The following PTPRD variants were observed in gnomAD, a reference collection of about 807,000 sequenced individuals.
PTPRD encodes receptor-type tyrosine-protein phosphatase delta.
A neutral mutation model predicts 214.5 loss-of-function variants in PTPRD; 34 were observed. That is an observed-to-expected ratio of 0.16 (90% CI 0.12 to 0.21). The LOEUF (loss-of-function observed/expected upper bound fraction) is 0.21. PTPRD is among the 10% of genes least tolerant of loss of function. The probability of loss-of-function intolerance (pLI) is 1.00; values close to 1 mark genes in which losing one functional copy is unlikely to be tolerated. For missense variants in PTPRD, 2,545 were observed against 2,398.7 expected, an observed-to-expected ratio of 1.06 and a Z score of -1.27; for synonymous variants, 1,128 against 845.7, an observed-to-expected ratio of 1.33 and a Z score of -5.79.
chr9:8,506,052 C>A (rs973437420), intron 22 of PTPRD, among the ~76,000 whole-genome samples: 7 of 152,172 alleles, frequency 4.6e-5, no homozygotes, highest in Admixed American at 4.6e-4. Context: ...AAAACCACTG[C>A]ATTTAAAACC....
At chr9:9,998,941 GT>G (rs916755909) in intron 4 of PTPRD, among the ~76,000 whole-genome samples, 1 of 152,010 alleles carries the variant, frequency 6.6e-6, no homozygotes, top group South Asian at 2.1e-4. Flanking sequence ...ATTATCCTCA[GT>G]TTTTTTTCCT....
chr9:10,308,379 T>C (rs192553317), intron 3 of PTPRD, among the ~76,000 whole-genome samples: 42 of 152,184 alleles, frequency 2.8e-4, no homozygotes, highest in Non-Finnish European at 4.9e-4. Flanking sequence ...TATAAATACA[T>C]AAATTTAATT....
intron 10 of PTPRD, among the ~76,000 whole-genome samples, chr9:9,103,705 G>C (rs1173866095): frequency 6.6e-6 from 1 of 152,082 alleles, no homozygotes; most frequent in Admixed American, 6.6e-5. Context: ...ATTTGGCTGG[G>C]AATGGTGGCT....
intron 3 of PTPRD, among the ~76,000 whole-genome samples, chr9:10,271,681 T>G (rs2094434383): frequency 6.6e-6 from 1 of 151,928 alleles, no homozygotes; most frequent in Non-Finnish European, 1.5e-5. Flanking sequence ...TAGCTGGCAT[T>G]ATCGGCGTCT....
intron 4 of PTPRD, among the ~76,000 whole-genome samples, chr9:9,961,634 G>T (rs2154024783): frequency 6.6e-6 from 1 of 152,162 alleles, no homozygotes; most frequent in Non-Finnish European, 1.5e-5. Context: ...GCAGAGTGTG[G>T]GAAATGTTAT....
At chr9:10,458,546 C>T (rs867720361) in intron 2 of PTPRD, among the ~76,000 whole-genome samples, 7 of 152,100 alleles carry the variant, frequency 4.6e-5, no homozygotes, top group African/African-American at 9.7e-5. Context: ...AGTTCTTCAC[C>T]GTAGTAAAGG....
intron 5 of PTPRD, among the ~76,000 whole-genome samples, chr9:9,777,095 G>A (rs1433285004): frequency 6.6e-6 from 1 of 152,174 alleles, no homozygotes; most frequent in African/African-American, 2.4e-5. Flanking sequence ...AGATATGCTA[G>A]TTGTTATGGC....
chr9:8,552,632 G>T (rs2082440063), intron 14 of PTPRD, among the ~76,000 whole-genome samples: 1 of 152,146 alleles, frequency 6.6e-6, no homozygotes, highest in Non-Finnish European at 1.5e-5. Context: ...CAGCATAATG[G>T]CTGGGACTGA....
intron 10 of PTPRD, among the ~76,000 whole-genome samples, chr9:9,085,939 T>C (rs1294572734): frequency 6.6e-6 from 1 of 152,178 alleles, no homozygotes; most frequent in Non-Finnish European, 1.5e-5. Flanking sequence ...TTTTAGCAGA[T>C]GCTTGTGGTT....
chr9:10,134,643 GA>G (rs2154261296), intron 3 of PTPRD, among the ~76,000 whole-genome samples: 1 of 152,062 alleles, frequency 6.6e-6, no homozygotes, highest in South Asian at 2.1e-4. Flanking sequence ...ATCCAGAAAT[GA>G]AGCTAGTCGT....
At chr9:10,008,327 T>C (rs2096530693) in intron 4 of PTPRD, among the ~76,000 whole-genome samples, 2 of 151,910 alleles carry the variant, frequency 1.3e-5, no homozygotes, top group Admixed American at 1.3e-4. Context: ...TTTTGTGTTT[T>C]CAACCACATT....
intron 12 of PTPRD, among the ~76,000 whole-genome samples, chr9:8,673,819 G>A (rs543970084): frequency 1.3e-5 from 2 of 152,196 alleles, no homozygotes; most frequent in African/African-American, 4.8e-5. Context: ...TATTGACATT[G>A]GGGGCTGCAT....
At chr9:10,263,669 C>A (rs2093849910) in intron 3 of PTPRD, among the ~76,000 whole-genome samples, 1 of 152,088 alleles carries the variant, frequency 6.6e-6, no homozygotes, top group South Asian at 2.1e-4. Context: ...TGCAGCCTGA[C>A]AATGCAATAG....
intron 2 of PTPRD, among the ~76,000 whole-genome samples, chr9:10,534,121 C>T (rs2057158631): frequency 6.6e-6 from 1 of 151,738 alleles, no homozygotes; most frequent in African/African-American, 2.4e-5. Context: ...GAAACCCTTA[C>T]TATCATTGTC....
At chr9:9,235,961 A>T (rs2099966406) in intron 9 of PTPRD, among the ~76,000 whole-genome samples, 1 of 152,100 alleles carries the variant, frequency 6.6e-6, no homozygotes, top group Admixed American at 6.5e-5. Flanking sequence ...ATAAGGGGTT[A>T]TATTTAAAAA....
At chr9:9,079,555 T>A (rs966986904) in intron 10 of PTPRD, among the ~76,000 whole-genome samples, 1 of 152,036 alleles carries the variant, frequency 6.6e-6, no homozygotes, top group Non-Finnish European at 1.5e-5. Context: ...CATTTGTAGT[T>A]GTTTGAGGAA....
intron 3 of PTPRD, among the ~76,000 whole-genome samples, chr9:10,196,877 T>C (rs1008125397): frequency 1.3e-5 from 2 of 152,104 alleles, no homozygotes; most frequent in African/African-American, 2.4e-5. Context: ...ACTAGTGTTT[T>C]TATAAATGAA....
rs551320114 is a variant in PTPRD at position 9,795,094 on chromosome 9, A to G, written c.-367-28243T>C. Among the ~76,000 whole-genome samples, 5 of 152,316 alleles carry G rather than the reference A, an allele frequency of 3.3e-5. No homozygotes were observed. In the South Asian group the frequency reaches 6.2e-4, roughly 19 times the overall value. Reference sequence around the variant, plus strand: ...TTGCGTGGGCTTCACATGATCATATATGGTTTAAAACGTGAGAATACTTTA... The same window carrying G: ...TTGCGTGGGCTTCACATGATCATATGTGGTTTAAAACGTGAGAATACTTTA... On this transcript the variant is annotated intron_variant, in intron 5 of 45. Coordinates refer to ENST00000381196, the MANE Select transcript of PTPRD (RefSeq NM_002839.4).
At chr9:10,198,277 T>C (rs940322151) in intron 3 of PTPRD, among the ~76,000 whole-genome samples, 1 of 152,074 alleles carries the variant, frequency 6.6e-6, no homozygotes, top group Non-Finnish European at 1.5e-5. Flanking sequence ...GGGGAAAGAA[T>C]AGGTACAGTA....
Sources: gnomAD v4.1 joint callset for allele counts (sites outside exome capture counted in the v4.1 genomes callset) on GRCh38, gnomAD v4.1.1 for gene constraint, MANE v1.5 for transcripts, NCBI Gene and HGNC (gene_info 2026-07-23, HGNC 2026-07-21) for gene names.